PHLPP2: variants seen among roughly 807,000 people sequenced by gnomAD.
PHLPP2 encodes PH domain and leucine rich repeat protein phosphatase 2.
A neutral mutation model predicts 124.9 loss-of-function variants in PHLPP2; 66 were observed. That is an observed-to-expected ratio of 0.53 (90% CI 0.43 to 0.65). The LOEUF (loss-of-function observed/expected upper bound fraction) is 0.65, where lower values mean the gene tolerates loss of function less well. PHLPP2 is among the 30% of genes least tolerant of loss of function. The pLI, the probability that PHLPP2 is intolerant of heterozygous loss-of-function variation, is 0.00. For synonymous variants in PHLPP2, 681 were observed against 624.7 expected (o/e 1.09, Z -1.34); for missense variants, 1,685 against 1,600.4 (o/e 1.05, Z -0.90).
chr16:71,658,089 A>G (rs773207614), intron 15 of PHLPP2, 144 bp downstream of exon 15: 45 of 645,842 alleles, frequency 7.0e-5, no homozygotes, highest in Non-Finnish European at 1.1e-4. Context: ...TCATAACTTA[A>G]TCAAAGAAGA....
intron 1 of PHLPP2, chr16:71,723,899 C>A: frequency 1.1e-6 from 1 of 921,958 alleles, no homozygotes; most frequent in Non-Finnish European, 1.4e-6. Context: ...GACGCCCGGC[C>A]CGCGCGACGG....
chr16:71,702,993 A>G (rs993547833), intron 2 of PHLPP2, among the ~76,000 whole-genome samples: 17 of 151,408 alleles, frequency 1.1e-4, no homozygotes, highest in African/African-American at 3.9e-4. Flanking sequence ...ATTACCCCAC[A>G]CTCTATTATT....
Position 71,679,121 on chromosome 16 carries a change from T to C in PHLPP2, c.1038-136A>G, listed in dbSNP as rs1282970857. 16 of 631,724 alleles carry C rather than the reference T, an allele frequency of 2.5e-5. No individual in the cohort carries two copies. The Admixed American group carries it at 4.6e-4, about 18-fold the overall frequency. The allele number at this position is 631,724 out of a possible 1,614,324, so 39.1% of individuals were successfully genotyped here. On this transcript the variant is annotated intron_variant, in intron 7 of 18. Coordinates refer to ENST00000568954, the MANE Select transcript of PHLPP2 (RefSeq NM_015020.3). ...TAGTAAAGTGTCCTAACTCTCCATC[T>C]ATGCAGACTTAATAGATGATTTACA...
chr16:71,679,030 C>G, intron 7 of PHLPP2, 45 bp from the exon 8 acceptor site: 1 of 1,037,740 alleles, frequency 9.6e-7, no homozygotes, highest in Non-Finnish European at 1.5e-6. Context: ...AAAGGTTTCA[C>G]TGGAATGCAC....
In PHLPP2 at chr16:71,676,523, C is replaced by T. The variant is rs1299642575; in HGVS notation, c.1395G>A (p.Leu465=). The change falls in exon 9 of 19, where the codon CTG becomes CTA. Residue 465 remains leucine, a synonymous_variant. Coordinates refer to ENST00000568954, the MANE Select transcript of PHLPP2 (RefSeq NM_015020.3). ...CCCTCAGCTGATTCCGCCCACAGTG[C>T]AGCTGTTCCAAGCTGCATAAGGAGC... ...DLSSLCSLEQ[L]HCGRNQLREL... is the part of the protein sequence containing the mutation. 2.5e-6 allele frequency: 4 copies of T among 1,614,082 alleles called. No individual in the cohort carries two copies. The highest frequency in any genetic ancestry group is 1.1e-5 in the South Asian group (1 of 91,090).
chr16:71,682,617 T>C (rs1484609753), intron 5 of PHLPP2, among the ~76,000 whole-genome samples: 1 of 152,146 alleles, frequency 6.6e-6, no homozygotes, highest in Non-Finnish European at 1.5e-5. Context: ...GTTTTGAGGA[T>C]AAAAGTAAAT....
rs914996961 is a variant in PHLPP2 at position 71,663,911 on chromosome 16, G to A, written c.1973C>T (p.Thr658Ile). 5 of 1,612,662 alleles carry A rather than the reference G, an allele frequency of 3.1e-6. No homozygotes were observed. The highest frequency in any genetic ancestry group is 4.2e-6 in the Non-Finnish European group (5 of 1,178,764). ...ILHLANNQLQTFPASKLNKLE... is the reference protein window; with the variant it reads ...ILHLANNQLQIFPASKLNKLE... ...GCATTCATTTTACCTTGCAGGAAAGGTCTGTAACTGATTGTTTGCAAGGTG... is the reference window on the plus strand; with the variant it reads ...GCATTCATTTTACCTTGCAGGAAAGATCTGTAACTGATTGTTTGCAAGGTG... Residue 658 changes from threonine (T) to isoleucine (I), a missense_variant, in exon 13 of 19, where the codon ACC (threonine) becomes ATC (isoleucine). Transcript: ENST00000568954.
intron 8 of PHLPP2, chr16:71,677,541 T>C (rs1017429158): frequency 1.3e-5 from 2 of 149,086 alleles, no homozygotes; most frequent in African/African-American, 4.9e-5. Context: ...GGGTTTTTTC[T>C]ACACAGGTGT....
chr16:71,665,292 C>A (rs896148644), intron 12 of PHLPP2, among the ~76,000 whole-genome samples: 1 of 152,102 alleles, frequency 6.6e-6, no homozygotes, highest in Non-Finnish European at 1.5e-5. Context: ...CCTGGCGACA[C>A]AGCTAGACTG....
chr16:71,715,991 C>CA (rs372460382), intron 1 of PHLPP2, among the ~76,000 whole-genome samples: 7,237 of 98,102 alleles, frequency 0.074, 527 homozygotes, highest in African/African-American at 0.21. Context: ...GACTCTGTCT[C>CA]AAAAAAAAAA....
intron 3 of PHLPP2, among the ~76,000 whole-genome samples, chr16:71,696,469 T>G (rs2045172326): frequency 6.6e-6 from 1 of 152,008 alleles, no homozygotes; most frequent in Non-Finnish European, 1.5e-5. Flanking sequence ...AAACCCTGTC[T>G]CTACTAAAAA....
intron 4 of PHLPP2, among the ~76,000 whole-genome samples, chr16:71,687,205 T>A (rs1466873824): frequency 6.6e-6 from 1 of 152,240 alleles, no homozygotes; most frequent in Non-Finnish European, 1.5e-5. Flanking sequence ...GTTACCTGTA[T>A]ATCTGCTTTG....
intron 1 of PHLPP2, among the ~76,000 whole-genome samples, chr16:71,715,754 G>A (rs571595026): frequency 6.7e-6 from 1 of 149,544 alleles, no homozygotes. Flanking sequence ...CCAGGTGAGG[G>A]ATCATTTGAG....
Position 71,649,956 on chromosome 16 carries a change from G to A in PHLPP2, c.2906C>T (p.Ser969Phe). ...YPWILPKPHI[S>F]STPLTIQDEL... is the part of the protein sequence containing the mutation. ...ATCTTGAATGGTCAGCGGAGTGGAAGATATGTGGGGCTTGGGGAGGATCCA... is the reference window on the plus strand; with the variant it reads ...ATCTTGAATGGTCAGCGGAGTGGAAAATATGTGGGGCTTGGGGAGGATCCA... The change falls in exon 19 of 19, where the codon TCT becomes TTT. Residue 969 changes from serine to phenylalanine, a missense_variant. Ser to Phe is a radical substitution (Grantham distance 155, BLOSUM62 -2). Coordinates refer to ENST00000568954, the MANE Select transcript of PHLPP2 (RefSeq NM_015020.3). 6.2e-7 allele frequency: 1 copy of A among 1,614,130 alleles called. No individual in the cohort carries two copies. The highest frequency in any genetic ancestry group is 8.5e-7 in the Non-Finnish European group (1 of 1,179,996).
chr16:71,711,818 C>T (rs2045325946), intron 2 of PHLPP2, among the ~76,000 whole-genome samples: 1 of 152,208 alleles, frequency 6.6e-6, no homozygotes, highest in South Asian at 2.1e-4. Context: ...AGAAAATACT[C>T]CCTTGATTAG....
At position 71,655,449 on chromosome 16, in the gene PHLPP2, T is replaced by A. The variant is rs2044734207; in HGVS notation, c.2391-15A>T. 1 of 1,584,050 alleles carries A rather than the reference T, an allele frequency of 6.3e-7. No homozygotes were observed. The highest frequency in any genetic ancestry group is 8.6e-7 in the Non-Finnish European group (1 of 1,159,822). On this transcript the variant is annotated splice_polypyrimidine_tract_variant and intron_variant, in intron 16 of 18. Transcript: ENST00000568954. ...AGACACACAGCCTATAATAGAAACATGAAAACAGAAAACAGAAAAGTTACT... is the reference window on the plus strand; with the variant it reads ...AGACACACAGCCTATAATAGAAACAAGAAAACAGAAAACAGAAAAGTTACT...
chr16:71,649,708 G>A lies in PHLPP2; in HGVS notation c.3154C>T (p.Pro1052Ser), dbSNP rs1324676124. The part of the protein sequence containing the change: ...CEMNGLTLPG[P>S]VGFASTTTIK... ...GTGGTGGTTGAAGCAAATCCCACAG[G>A]ACCTGGGAGGGTGAGCCCATTCATT... The change falls in exon 19 of 19, where the codon CCT (proline) becomes TCT (serine). Residue 1052 changes from proline to serine, a missense_variant. Physicochemically the swap from Pro to Ser is moderately conservative, Grantham distance 74 (BLOSUM62 -1). Transcript: ENST00000568954. The A allele has an allele frequency of 6.2e-7, 1 of 1,614,136 alleles. No homozygotes were observed. The highest frequency in any genetic ancestry group is 1.1e-5 in the South Asian group (1 of 91,080).
Position 71,652,985 on chromosome 16 carries a change from G to T in PHLPP2, c.2622C>A (p.Ser874=), listed in dbSNP as rs766468118. Residue 874 remains serine (S), a synonymous_variant, in exon 18 of 19, where the codon TCC becomes TCA. Transcript: ENST00000568954. ...LGMAGQKLGS[S]ALLCYIRPDT... is the part of the protein sequence containing the mutation. Reference sequence around the variant, plus strand: ...CAGGGCGGATGTAGCACAGGAGAGCGGAGGAGCCCAACTTCTGGCCAGCCA... The same window carrying T: ...CAGGGCGGATGTAGCACAGGAGAGCTGAGGAGCCCAACTTCTGGCCAGCCA... 8 of 1,613,514 alleles carry T rather than the reference G, an allele frequency of 5.0e-6. No individual in the cohort carries two copies. The highest frequency in any genetic ancestry group is 3.3e-5 in the Admixed American group (2 of 59,984).
chr16:71,692,989 A>C (rs2045130320), intron 3 of PHLPP2, among the ~76,000 whole-genome samples: 1 of 152,118 alleles, frequency 6.6e-6, no homozygotes, highest in Non-Finnish European at 1.5e-5. Flanking sequence ...GTTTACCATC[A>C]CTTAAAATTC....
Sources: gnomAD v4.1 joint callset for allele counts (sites outside exome capture counted in the v4.1 genomes callset) on GRCh38, gnomAD v4.1.1 for gene constraint, MANE v1.5 for transcripts, NCBI Gene and HGNC (gene_info 2026-07-23, HGNC 2026-07-21) for gene names.